The following URI1 variants were observed in gnomAD, a reference collection of about 807,000 sequenced individuals.
The protein encoded by URI1 is URI1 prefoldin like chaperone.
URI1 carries 39 observed loss-of-function variants against 60.2 expected under a neutral mutation model. The ratio of observed to expected loss-of-function variants is 0.65; its 90% CI spans 0.50 to 0.85. The LOEUF (loss-of-function observed/expected upper bound fraction) is 0.85, where lower values mean the gene tolerates loss of function less well. URI1 is among the 40% of genes least tolerant of loss of function. URI1 has a pLI of 0.00. For synonymous variants in URI1, 251 were observed against 236.8 expected (o/e 1.06, Z -0.55); for missense variants, 691 against 665.9 (o/e 1.04, Z -0.42).
intron 1 of URI1, among the ~76,000 whole-genome samples, chr19:29,929,940 C>CTT (rs201789370): frequency 1.5e-4 from 20 of 136,240 alleles, no homozygotes; most frequent in African/African-American, 2.7e-4. Context: ...GACAGTGTCT[C>CTT]TTTTTTTTTT....
intron 2 of URI1, among the ~76,000 whole-genome samples, chr19:29,976,973 A>AT (rs1197706097): frequency 2.0e-5 from 3 of 152,186 alleles, no homozygotes; most frequent in Admixed American, 1.3e-4. Flanking sequence ...AATACTCAAC[A>AT]TTTTTTTATT....
intron 4 of URI1, among the ~76,000 whole-genome samples, chr19:29,995,797 G>A (rs1408586518): frequency 6.6e-6 from 1 of 151,768 alleles, no homozygotes; most frequent in Non-Finnish European, 1.5e-5. Flanking sequence ...TGCTTGTAAG[G>A]TAAGGGTCCA....
At chr19:29,988,167 CA>C (rs34327695) in intron 4 of URI1, among the ~76,000 whole-genome samples, 3,454 of 140,446 alleles carry the variant, frequency 0.025, 139 homozygotes, top group African/African-American at 0.085. Flanking sequence ...AATTTTGTCT[CA>C]AAAAAAAAAA....
intron 1 of URI1, among the ~76,000 whole-genome samples, chr19:29,966,369 A>G (rs2055391499): frequency 6.6e-6 from 1 of 152,084 alleles, no homozygotes; most frequent in Non-Finnish European, 1.5e-5. Flanking sequence ...AACTCCTGGC[A>G]TCATGTGATC....
chr19:29,962,567 G>C (rs903238577), intron 1 of URI1, among the ~76,000 whole-genome samples: 1 of 147,634 alleles, frequency 6.8e-6, no homozygotes, highest in Non-Finnish European at 1.5e-5. Flanking sequence ...TAATTGTTCT[G>C]TGTGGTCAAT....
intron 1 of URI1, among the ~76,000 whole-genome samples, chr19:29,927,261 C>CTTT (rs5827680): frequency 1.7e-4 from 21 of 124,860 alleles, no homozygotes; most frequent in Admixed American, 1.2e-3. Flanking sequence ...TTTCATCCCT[C>CTTT]TTTTTTTTTT....
intron 2 of URI1, among the ~76,000 whole-genome samples, chr19:29,979,630 T>C (rs2055567618): frequency 6.6e-6 from 1 of 152,214 alleles, no homozygotes; most frequent in Admixed American, 6.5e-5. Flanking sequence ...TAGATAATTT[T>C]GTTTCATTGA....
At chr19:29,957,891 ATTTTTTT>A (rs35106025) in intron 1 of URI1, 3 of 123,690 alleles carry the variant, frequency 2.4e-5, no homozygotes, top group Non-Finnish European at 5.3e-5. Flanking sequence ...CTTGCTATTC[ATTTTTTT>A]TTTTTTTTTT....
intron 1 of URI1, among the ~76,000 whole-genome samples, chr19:29,965,137 G>T (rs918912462): frequency 6.6e-6 from 1 of 152,136 alleles, no homozygotes; most frequent in African/African-American, 2.4e-5. Context: ...TGGTTAGCTT[G>T]TGCAGATCCT....
intron 2 of URI1, among the ~76,000 whole-genome samples, chr19:29,978,333 A>T (rs1055184927): frequency 5.9e-5 from 9 of 152,142 alleles, no homozygotes; most frequent in African/African-American, 2.2e-4. Flanking sequence ...TTCCAGTGTC[A>T]ATATGGTTTG....
intron 4 of URI1, among the ~76,000 whole-genome samples, chr19:29,991,131 A>C (rs1038053338): frequency 2.0e-5 from 3 of 152,128 alleles, no homozygotes; most frequent in Non-Finnish European, 2.9e-5. Flanking sequence ...CCACTCGCTT[A>C]TGTTTACAAA....
At chr19:29,966,540 A>G (rs1324037941) in intron 1 of URI1, among the ~76,000 whole-genome samples, 2 of 152,192 alleles carry the variant, frequency 1.3e-5, no homozygotes, top group African/African-American at 4.8e-5. Context: ...CCTTATTTGC[A>G]AAGGGGTTTA....
chr19:29,993,048 A>T (rs908806816), intron 4 of URI1, among the ~76,000 whole-genome samples: 4 of 152,194 alleles, frequency 2.6e-5, no homozygotes, highest in Non-Finnish European at 4.4e-5. Context: ...TCTTTTGTTC[A>T]GAATTGTATC....
At chr19:29,970,908 T>A (rs1748098361) in intron 1 of URI1, among the ~76,000 whole-genome samples, 1 of 152,152 alleles carries the variant, frequency 6.6e-6, no homozygotes, top group East Asian at 1.9e-4. Flanking sequence ...ATACTAGTTA[T>A]CTTATATCAT....
intron 2 of URI1, among the ~76,000 whole-genome samples, 173 bp from the exon 3 acceptor site, chr19:29,985,050 G>A (rs1400691357): frequency 7.0e-6 from 1 of 143,470 alleles, no homozygotes; most frequent in Non-Finnish European, 1.5e-5. Context: ...AACCCGGGAG[G>A]TGGAGGGTGC....
chr19:29,926,268 CTTCCTTCCTTCCTTCCTACCTTCT>C, intron 1 of URI1, among the ~76,000 whole-genome samples: 1 of 142,992 alleles, frequency 7.0e-6, no homozygotes, highest in African/African-American at 2.7e-5. Context: ...TCCTTCCTTC[CTTCCTTCCTTCCTTCCTACCTTCT>C]TTCCTTCAAC....
intron 1 of URI1, among the ~76,000 whole-genome samples, chr19:29,946,118 G>A (rs1262733567): frequency 2.0e-5 from 3 of 152,130 alleles, no homozygotes; most frequent in African/African-American, 7.2e-5. Context: ...GATACAGGGA[G>A]AGGAGAGAAA....
At chr19:29,990,572 T>C (rs1293288563) in intron 4 of URI1, among the ~76,000 whole-genome samples, 3 of 152,212 alleles carry the variant, frequency 2.0e-5, no homozygotes, top group African/African-American at 7.2e-5. Context: ...AATAAAAAGA[T>C]GTGTACCTTG....
At chr19:29,983,113 A>G (rs985085827) in intron 2 of URI1, 1 of 152,230 alleles carries the variant, frequency 6.6e-6, no homozygotes, top group Non-Finnish European at 1.5e-5. Context: ...AAAGAATAAA[A>G]CATGTTTCGT....
Sources: allele counts gnomAD v4.1 joint callset (sites outside exome capture counted in the v4.1 genomes callset), GRCh38; gene constraint gnomAD v4.1.1; transcripts MANE v1.5; gene names NCBI Gene and HGNC (gene_info 2026-07-23, HGNC 2026-07-21).